Variants in TP63 observed in about 807,000 individuals in gnomAD.
TP63 encodes tumor protein p63.
TP63 carries 17 observed loss-of-function variants against 82.8 expected under a neutral mutation model. The ratio of observed to expected loss-of-function variants is 0.21; its 90% CI spans 0.14 to 0.31. The LOEUF (loss-of-function observed/expected upper bound fraction) is 0.31. Ranked by LOEUF, TP63 falls within the 10% of genes least tolerant of loss-of-function variation. The pLI, the probability that TP63 is intolerant of heterozygous loss-of-function variation, is 1.00. For missense variants in TP63, 648 were observed against 895.3 expected (o/e 0.72, Z 3.52); for synonymous variants, 330 against 321.7 (o/e 1.03, Z -0.28).
intron 1 of TP63, among the ~76,000 whole-genome samples, chr3:189,664,959 A>G (rs182570930): frequency 3.3e-4 from 50 of 152,298 alleles, no homozygotes; most frequent in African/African-American, 1.2e-3. Context: ...GGAATTTTAC[A>G]AACCAATTGT....
intron 1 of TP63, among the ~76,000 whole-genome samples, chr3:189,690,041 A>G (rs1024655529): frequency 6.6e-6 from 1 of 152,158 alleles, no homozygotes; most frequent in African/African-American, 2.4e-5. Flanking sequence ...GAAGGTCCCA[A>G]ACAATTAAAT....
intron 4 of TP63, among the ~76,000 whole-genome samples, chr3:189,857,233 A>G (rs878999771): frequency 6.6e-6 from 1 of 152,166 alleles, no homozygotes; most frequent in East Asian, 1.9e-4. Context: ...CATATGACCA[A>G]TTGATTTTCA....
At chr3:189,886,306 A>G in intron 10 of TP63, 88 bp from the exon 11 acceptor site, 3 of 1,430,030 alleles carry the variant, frequency 2.1e-6, no homozygotes, top group East Asian at 2.3e-5. Context: ...GTTTGAGGCC[A>G]TGTTTTAAAC....
chr3:189,651,877 A>T (rs1327254923), intron 1 of TP63, among the ~76,000 whole-genome samples: 1 of 147,234 alleles, frequency 6.8e-6, no homozygotes, highest in Non-Finnish European at 1.5e-5. Context: ...ATTGCTTCAG[A>T]GGGTGCAAGC....
At chr3:189,664,377 C>G (rs12495269) in intron 1 of TP63, among the ~76,000 whole-genome samples, 50,049 of 151,968 alleles carry the variant, frequency 0.33, 9,047 homozygotes, top group Middle Eastern at 0.44. Flanking sequence ...CAAAAACATT[C>G]AAAATGACAA....
At chr3:189,720,112 A>G (rs1342721916) in intron 1 of TP63, among the ~76,000 whole-genome samples, 1 of 152,032 alleles carries the variant, frequency 6.6e-6, no homozygotes, top group Admixed American at 6.6e-5. Context: ...TCGGCCCACA[A>G]GGTTTTCATT....
At chr3:189,842,429 G>A (rs1269311780) in intron 4 of TP63, among the ~76,000 whole-genome samples, 1 of 152,108 alleles carries the variant, frequency 6.6e-6, no homozygotes, top group South Asian at 2.1e-4. Context: ...ATTTTCTCTG[G>A]GTCTCTCATT....
chr3:189,802,870 T>TA (rs1161640144), intron 3 of TP63, among the ~76,000 whole-genome samples: 1 of 152,234 alleles, frequency 6.6e-6, no homozygotes. Context: ...ATCCCAACAG[T>TA]AATCTCTTCT....
chr3:189,714,197 A>C (rs1237768837), intron 1 of TP63, among the ~76,000 whole-genome samples: 1 of 152,174 alleles, frequency 6.6e-6, no homozygotes. Flanking sequence ...CAGGACCCTC[A>C]TAAGGTGGAC....
chr3:189,735,498 G>T (rs940986611), intron 1 of TP63, among the ~76,000 whole-genome samples: 1 of 152,050 alleles, frequency 6.6e-6, no homozygotes, highest in Non-Finnish European at 1.5e-5. Context: ...TCAACCACAC[G>T]GTTCAATCAA....
chr3:189,653,021 C>T (rs762567521), intron 1 of TP63, among the ~76,000 whole-genome samples: 1 of 149,004 alleles, frequency 6.7e-6, no homozygotes, highest in Non-Finnish European at 1.5e-5. Flanking sequence ...TGATAATGGA[C>T]TAATATAATC....
At chr3:189,770,641 G>A (rs968040920) in intron 3 of TP63, among the ~76,000 whole-genome samples, 8 of 152,068 alleles carry the variant, frequency 5.3e-5, no homozygotes, top group African/African-American at 1.9e-4. Context: ...CGCCTTTGGG[G>A]AATTATTGAA....
At chr3:189,633,169 T>A (rs1729564060) in intron 1 of TP63, among the ~76,000 whole-genome samples, 1 of 152,068 alleles carries the variant, frequency 6.6e-6, no homozygotes, top group Non-Finnish European at 1.5e-5. Context: ...ATGAAGCAAA[T>A]GTCATCTCAG....
chr3:189,791,037 TA>T (rs1219901139), intron 3 of TP63, among the ~76,000 whole-genome samples: 1 of 152,160 alleles, frequency 6.6e-6, no homozygotes, highest in Non-Finnish European at 1.5e-5. Flanking sequence ...TTGTCCTCAG[TA>T]GAGAAACTTG....
At chr3:189,697,037 T>G (rs934509617) in intron 1 of TP63, among the ~76,000 whole-genome samples, 8 of 152,050 alleles carry the variant, frequency 5.3e-5, no homozygotes, top group Non-Finnish European at 1.0e-4. Context: ...TTAATTTTAG[T>G]AAAGTCTAAG....
chr3:189,875,447 T>C (rs1200846788), intron 10 of TP63, among the ~76,000 whole-genome samples: 2 of 150,768 alleles, frequency 1.3e-5, no homozygotes, highest in Admixed American at 1.3e-4. Flanking sequence ...GCACCTGTAG[T>C]CCCAGCTACT....
chr3:189,741,289 A>G (rs1720968203), intron 3 of TP63, among the ~76,000 whole-genome samples: 1 of 152,056 alleles, frequency 6.6e-6, no homozygotes, highest in Non-Finnish European at 1.5e-5. Context: ...ACATTTTTAT[A>G]TTCTCATATA....
At chr3:189,647,687 C>T (rs1712537676) in intron 1 of TP63, among the ~76,000 whole-genome samples, 1 of 146,204 alleles carries the variant, frequency 6.8e-6, no homozygotes, top group South Asian at 2.3e-4. Context: ...TGTATGCAGC[C>T]CTTGTAGGAA....
intron 1 of TP63, among the ~76,000 whole-genome samples, chr3:189,669,896 T>C (rs1368119178): frequency 6.6e-6 from 1 of 151,764 alleles, no homozygotes; most frequent in Non-Finnish European, 1.5e-5. Context: ...GGAAAACAAA[T>C]AGCAAAATGG....
Sources: gnomAD v4.1 joint callset for allele counts (sites outside exome capture counted in the v4.1 genomes callset) on GRCh38, gnomAD v4.1.1 for gene constraint, MANE v1.5 for transcripts, NCBI Gene and HGNC (gene_info 2026-07-23, HGNC 2026-07-21) for gene names.